DKK1: variants seen among roughly 807,000 people sequenced by gnomAD.
The protein encoded by DKK1 is dickkopf Wnt signaling pathway inhibitor 1, also known as dickkopf-related protein 1.
DKK1 carries 18 observed loss-of-function variants against 26.0 expected under a neutral mutation model. The observed-to-expected ratio is 0.69, with a 90% CI of 0.48 to 1.03. The LOEUF is 1.03. Among genes scored for constraint, DKK1 ranks in the 50% least tolerant of loss-of-function variants. The pLI is 0.00. For synonymous variants in DKK1, 130 were observed against 132.6 expected, an observed-to-expected ratio of 0.98 and a Z score of 0.13; for missense variants, 335 against 348.5, an observed-to-expected ratio of 0.96 and a Z score of 0.31.
intron 2 of DKK1, 169 bp downstream of exon 2, chr10:52,315,254 CT>C (rs1842605926): frequency 1.7e-6 from 1 of 577,184 alleles, no homozygotes; most frequent in Non-Finnish European, 2.7e-6. Flanking sequence ...GCTGAAGTAT[CT>C]TCATTGCAAG....
At chr10:52,315,782 A>C (rs1171573279) in intron 2 of DKK1, among the ~76,000 whole-genome samples, 1 of 152,206 alleles carries the variant, frequency 6.6e-6, no homozygotes, top group Admixed American at 6.5e-5. Context: ...GACCCTCCTT[A>C]GGACCCAGCA....
intron 2 of DKK1, among the ~76,000 whole-genome samples, 191 bp from the exon 3 acceptor site, chr10:52,316,104 C>G (rs140691229): frequency 7.6e-4 from 116 of 152,310 alleles, no homozygotes; most frequent in African/African-American, 2.3e-3. Flanking sequence ...ATACAGTATA[C>G]ACATTGGTGC....
chr10:52,314,961 T>G lies in DKK1; in HGVS notation c.282T>G (p.Asp94Glu), dbSNP rs1163326426. 3 of 1,589,456 alleles carry G rather than the reference T, an allele frequency of 1.9e-6. No homozygotes were observed. The highest frequency in any genetic ancestry group is 2.3e-5 in the South Asian group (2 of 88,830). ...CAGAGGACGAGGAGTGCGGCACTGA[T>G]GAGTACTGCGCTAGTCCCACCCGCG... ...PCAEDEECGT[D>E]EYCASPTRGG... Residue 94 changes from aspartate (D) to glutamate (E), a missense_variant, in exon 2 of 4, where the codon GAT (aspartate) becomes GAG (glutamate). Physicochemically the swap from Asp to Glu is conservative, Grantham distance 45 (BLOSUM62 2). Coordinates refer to ENST00000373970, the MANE Select transcript of DKK1 (RefSeq NM_012242.4). The surrounding 1 kb of genome is among the most constrained non-coding windows in gnomAD (Gnocchi z 5.7).
Position 52,314,445 on chromosome 10 carries a change from T to A in DKK1, c.11T>A (p.Leu4Gln). 6.2e-7 allele frequency: 1 copy of A among 1,613,966 alleles called. No individual in the cohort carries two copies. Among genetic ancestry groups the A allele is most frequent in the Non-Finnish European group, 8.5e-7 (1 of 1,180,014 alleles). MMA[L>Q]GAAGATRVFV... ...TTGAGTCCTTCTGAGATGATGGCTC[T>A]GGGCGCAGCGGGAGCTACCCGGGTC... is the stretch of plus-strand genomic sequence containing the variant. The change falls in exon 1 of 4, where the codon CTG (leucine) becomes CAG (glutamine). Residue 4 changes from leucine to glutamine, a missense_variant. By Grantham distance (113) the Leu-to-Gln change is moderately radical (BLOSUM62 -2). Coordinates refer to ENST00000373970, the MANE Select transcript of DKK1 (RefSeq NM_012242.4). This position sits in a 1 kb window ranked among gnomAD's most constrained non-coding sequence, Gnocchi z 5.7.
In DKK1 at chr10:52,314,843, C is replaced by G; in HGVS notation, c.244-80C>G. On this transcript the variant is annotated intron_variant, in intron 1 of 3. Coordinates refer to ENST00000373970, the MANE Select transcript of DKK1 (RefSeq NM_012242.4). The surrounding 1 kb of genome is among the most constrained non-coding windows in gnomAD (Gnocchi z 5.7). The stretch of plus-strand genomic sequence containing the variant: ...TTTTGGAGAGGTGGACAGATAAGGA[C>G]TGTGATCAGCGCCCGGGTCCAAGAG... 3 of 1,462,496 alleles carry G rather than the reference C, an allele frequency of 2.1e-6. No individual in the cohort carries two copies. The highest frequency in any genetic ancestry group is 2.7e-6 in the Non-Finnish European group (3 of 1,102,578). 90.6% of individuals were successfully genotyped at this position (1,462,496 alleles called of 1,614,324 possible).
At chr10:52,316,163 C>T (rs1488954187) in intron 2 of DKK1, 132 bp from the exon 3 acceptor site, 2 of 1,133,716 alleles carry the variant, frequency 1.8e-6, no homozygotes, top group Non-Finnish European at 2.5e-6. Context: ...GGAAGTTTGG[C>T]TTGTGTTTAA....
Position 52,316,323 on chromosome 10 carries a change from T to C in DKK1, c.435T>C (p.His145=). 6.2e-7 allele frequency: 1 copy of C among 1,614,190 alleles called. No individual in the cohort carries two copies. Among genetic ancestry groups the C allele is most frequent in the Non-Finnish European group, 8.5e-7 (1 of 1,180,016 alleles). ...NGICVSSDQN[H]FRGEIEETIT... ...TATGTGTGTCTTCTGATCAAAATCA[T>C]TTCCGAGGAGAAATTGAGGAAACCA... The change falls in exon 3 of 4, where the codon CAT becomes CAC. Residue 145 remains histidine, a synonymous_variant. Coordinates refer to ENST00000373970, the MANE Select transcript of DKK1 (RefSeq NM_012242.4).
rs749750815 is a variant in DKK1, at chr10:52,315,084, T to C, written c.405T>C (p.Asn135=). The C allele has an allele frequency of 1.4e-5, 21 of 1,479,024 alleles. No homozygotes were observed. Among genetic ancestry groups the C allele is most frequent in the African/African-American group, 4.4e-5 (3 of 68,122 alleles). The allele number at this position is 1,479,024 out of a possible 1,614,324, so 91.6% of individuals were successfully genotyped here. A position where few individuals can be genotyped will look rare whatever the true frequency, so the allele number is the denominator to read the frequency against. ...AMCCPGNYCK[N]GICVSSDQNH... The stretch of plus-strand genomic sequence containing the variant: ...GCTGCCCCGGGAATTACTGCAAAAA[T>C]GGTGAGTCCTGAAAGCTCCCTTTCA... The change falls in exon 2 of 4, where the codon AAT becomes AAC. Residue 135 remains asparagine (N), a splice_region_variant and synonymous_variant. Coordinates refer to ENST00000373970, the MANE Select transcript of DKK1 (RefSeq NM_012242.4).
rs1419285519 is a variant in DKK1, at chr10:52,314,953, G to C, written c.274G>C (p.Gly92Arg). Residue 92 changes from glycine to arginine, a missense_variant, in exon 2 of 4, where the codon GGC becomes CGC. Transcript: ENST00000373970. This position sits in a 1 kb window ranked among gnomAD's most constrained non-coding sequence, Gnocchi z 5.7. ...CCCGTGCGCAGAGGACGAGGAGTGC[G>C]GCACTGATGAGTACTGCGCTAGTCC... is the stretch of plus-strand genomic sequence containing the variant. ...PYPCAEDEEC[G>R]TDEYCASPTR... The C allele has an allele frequency of 6.3e-7, 1 of 1,574,950 alleles. No individual in the cohort carries two copies. The highest frequency in any genetic ancestry group is 2.3e-5 in the East Asian group (1 of 43,800).
Position 52,315,074 on chromosome 10 carries a change from A to G in DKK1, c.395A>G (p.Tyr132Cys). Reference protein sequence around the residue: ...MRHAMCCPGNYCKNGICVSSD... With the variant: ...MRHAMCCPGNCCKNGICVSSD... Reference sequence around the variant, plus strand: ...CACGCTATGTGCTGCCCCGGGAATTACTGCAAAAATGGTGAGTCCTGAAAG... The same window carrying G: ...CACGCTATGTGCTGCCCCGGGAATTGCTGCAAAAATGGTGAGTCCTGAAAG... The change falls in exon 2 of 4, where the codon TAC becomes TGC. Residue 132 changes from tyrosine (Y) to cysteine (C), a missense_variant. By Grantham distance (194) the Tyr-to-Cys change is radical. Transcript: ENST00000373970. 3 of 1,540,616 alleles carry G rather than the reference A, an allele frequency of 1.9e-6. No individual in the cohort carries two copies. The highest frequency in any genetic ancestry group is 2.6e-6 in the Non-Finnish European group (3 of 1,134,190).
chr10:52,315,327 C>T, intron 2 of DKK1: 1 of 388,246 alleles, frequency 2.6e-6, no homozygotes, highest in Non-Finnish European at 4.5e-6. Context: ...TCCTCCGTGT[C>T]CCTCAATGAT....
At chr10:52,316,513 A>T in intron 3 of DKK1, 41 bp from the exon 4 acceptor site, 1 of 1,611,848 alleles carries the variant, frequency 6.2e-7, no homozygotes, top group Admixed American at 1.7e-5. Flanking sequence ...CAGGTTTAAC[A>T]GTAACTATGT....
At chr10:52,316,145 A>T in intron 2 of DKK1, 150 bp from the exon 3 acceptor site, 1 of 913,378 alleles carries the variant, frequency 1.1e-6, no homozygotes, top group Non-Finnish European at 1.6e-6. Flanking sequence ...TTGCATTAAC[A>T]GTAAAGAGGA....
Position 52,315,083 on chromosome 10 carries a change from A to G in DKK1, c.404A>G (p.Asn135Ser), listed in dbSNP as rs375574588. Residue 135 changes from asparagine to serine, a missense_variant and splice_region_variant, in exon 2 of 4, where the codon AAT becomes AGT. Asn to Ser is a conservative substitution (Grantham distance 46). Coordinates refer to ENST00000373970, the MANE Select transcript of DKK1 (RefSeq NM_012242.4). Reference sequence around the variant, plus strand: ...TGCTGCCCCGGGAATTACTGCAAAAATGGTGAGTCCTGAAAGCTCCCTTTC... The same window carrying G: ...TGCTGCCCCGGGAATTACTGCAAAAGTGGTGAGTCCTGAAAGCTCCCTTTC... Reference protein sequence around the residue: ...AMCCPGNYCKNGICVSSDQNH... With the variant: ...AMCCPGNYCKSGICVSSDQNH... The G allele has an allele frequency of 6.3e-6, 9 of 1,425,896 alleles. No homozygotes were observed. The highest frequency in any genetic ancestry group is 3.0e-5 in the African/African-American group (2 of 66,308). 88.3% of individuals were successfully genotyped at this position (1,425,896 alleles called of 1,614,324 possible). A position where few individuals can be genotyped will look rare whatever the true frequency, so the allele number is the denominator to read the frequency against.
In DKK1 at chr10:52,316,940, A is replaced by G. The variant is rs999694800; in HGVS notation, c.*133A>G. ...GTTAAGCATTCCAATAACACCTTCC[A>G]AAAACCTGGAGTGTAAGAGCTTTGT... On this transcript the variant is annotated 3_prime_UTR_variant, in exon 4 of 4. Coordinates refer to ENST00000373970, the MANE Select transcript of DKK1 (RefSeq NM_012242.4). 5.0e-6 allele frequency: 5 copies of G among 993,158 alleles called. No individual in the cohort carries two copies. The highest frequency in any genetic ancestry group is 1.7e-5 in the South Asian group (1 of 58,104). 61.5% of individuals were successfully genotyped at this position (993,158 alleles called of 1,614,324 possible).
In DKK1 at chr10:52,314,342, C is replaced by G. The variant is rs951662514; in HGVS notation, c.-93C>G. The G allele has an allele frequency of 1.3e-6, 2 of 1,562,868 alleles. No homozygotes were observed. Among genetic ancestry groups the G allele is most frequent in the African/African-American group, 2.7e-5 (2 of 73,858 alleles). Reference sequence around the variant, plus strand: ...ACCGCAGGGGGCTCCCGGACCCTGACTCTGCAGCCGAACCGGCACGGTTTC... The same window carrying G: ...ACCGCAGGGGGCTCCCGGACCCTGAGTCTGCAGCCGAACCGGCACGGTTTC... On this transcript the variant is annotated 5_prime_UTR_variant, in exon 1 of 4. Coordinates refer to ENST00000373970, the MANE Select transcript of DKK1 (RefSeq NM_012242.4). The surrounding 1 kb of genome is among the most constrained non-coding windows in gnomAD (Gnocchi z 5.7).
Position 52,314,616 on chromosome 10 carries a change from G to A in DKK1, c.182G>A (p.Ser61Asn). ...GCGGGGCACCCAGGCTCTGCAGTCA[G>A]CGCCGCGCCGGGAATCCTGTACCCG... ...GAAGHPGSAV[S>N]AAPGILYPGG... The change falls in exon 1 of 4, where the codon AGC becomes AAC. Residue 61 changes from serine (S) to asparagine (N), a missense_variant. Transcript: ENST00000373970. The surrounding 1 kb of genome is among the most constrained non-coding windows in gnomAD (Gnocchi z 5.7). 6.2e-7 allele frequency: 1 copy of A among 1,613,314 alleles called. No individual in the cohort carries two copies.
chr10:52,316,469 G>C, intron 3 of DKK1, 34 bp downstream of exon 3: 1 of 1,611,024 alleles, frequency 6.2e-7, no homozygotes, highest in Non-Finnish European at 8.5e-7. Flanking sequence ...TAGCACATCA[G>C]AAGTGTCTTT....
rs137969735 is a variant in DKK1, at chr10:52,315,275, G to A, written c.406+190G>A. On this transcript the variant is annotated intron_variant, in intron 2 of 3. Coordinates refer to ENST00000373970, the MANE Select transcript of DKK1 (RefSeq NM_012242.4). Reference sequence around the variant, plus strand: ...GTATCTTCATTGCAAGTGTTTAATCGGGAAGAAGAGAGAAGTTGGGAGGTC... The same window carrying A: ...GTATCTTCATTGCAAGTGTTTAATCAGGAAGAAGAGAGAAGTTGGGAGGTC... 1.1e-3 allele frequency: 532 copies of A among 502,572 alleles called. 3 individuals are homozygous for A. The highest frequency in any genetic ancestry group is 7.8e-3 in the African/African-American group (396 of 50,754). The allele number at this position is 502,572 out of a possible 1,614,324, so 31.1% of individuals were successfully genotyped here.
Sources: gnomAD v4.1 joint callset for allele counts (sites outside exome capture counted in the v4.1 genomes callset) on GRCh38, gnomAD v4.1.1 for gene constraint, Gnocchi (gnomAD v3.1) non-coding constraint, MANE v1.5 for transcripts, NCBI Gene and HGNC (gene_info 2026-07-23, HGNC 2026-07-21) for gene names.